The following NWD2 variants were observed in gnomAD, a reference collection of about 807,000 sequenced individuals.
NWD2 encodes NACHT and WD repeat domain containing 2.
A neutral mutation model predicts 132.7 loss-of-function variants in NWD2; 37 were observed. That is an observed-to-expected ratio of 0.28 (90% CI 0.21 to 0.37). NWD2 has a LOEUF of 0.37. NWD2 is among the 10% of genes least tolerant of loss of function. NWD2 has a pLI of 1.00. For missense variants in NWD2, 1,592 were observed against 2,122.4 expected (o/e 0.75, Z 4.91); for synonymous variants, 705 against 803.0 (o/e 0.88, Z 2.06).
chr4:37,318,051 C>T lies in NWD2; in HGVS notation c.152-7885C>T, dbSNP rs1405302297. On this transcript the variant is annotated intron_variant, in intron 1 of 6. Coordinates refer to ENST00000309447, the MANE Select transcript of NWD2 (RefSeq NM_001144990.2). ...TTTTTTTTTTTTTGAGACGAAGTCT[C>T]GCTCTTGTCTGTCACCCAACCTGTA... 1.0e-4 allele frequency among the ~76,000 whole-genome samples: 13 copies of T among 128,756 alleles called. No homozygotes were observed. The East Asian group carries it at 2.0e-3, about 20-fold the overall frequency. 84.5% of individuals were successfully genotyped at this position (128,756 alleles called of 152,430 possible). A position where few individuals can be genotyped will look rare whatever the true frequency, so the allele number is the denominator to read the frequency against.
At chr4:37,284,207 G>C (rs78120640) in intron 1 of NWD2, among the ~76,000 whole-genome samples, 17 of 152,240 alleles carry the variant, frequency 1.1e-4, no homozygotes, top group African/African-American at 3.9e-4. Flanking sequence ...TTTCTGGTTC[G>C]TAGGTGGCAC....
chr4:37,412,639 T>C (rs1401097793), intron 3 of NWD2, among the ~76,000 whole-genome samples: 1 of 119,352 alleles, frequency 8.4e-6, no homozygotes, highest in Non-Finnish European at 1.7e-5. Flanking sequence ...TACTTTAAAC[T>C]TCATGTGGAA....
chr4:37,358,476 T>A (rs1465278841), intron 3 of NWD2, among the ~76,000 whole-genome samples: 1 of 152,050 alleles, frequency 6.6e-6, no homozygotes, highest in Admixed American at 6.6e-5. Context: ...TTTCCTTGGG[T>A]CATTGGAGGA....
intron 1 of NWD2, among the ~76,000 whole-genome samples, chr4:37,267,422 G>A (rs1717777032): frequency 6.6e-6 from 1 of 151,934 alleles, no homozygotes; most frequent in Non-Finnish European, 1.5e-5. Flanking sequence ...GGCCAGCCCT[G>A]ATCATAGCAA....
Position 37,432,195 on chromosome 4 carries a change from T to G in NWD2, c.561+1420T>G, listed in dbSNP as rs139578258. ...CTTTCCTTGTGCTCCTTAATTACATTTGCCTTCAGCCATCTCAATCTGTCC... is the reference window on the plus strand; with the variant it reads ...CTTTCCTTGTGCTCCTTAATTACATGTGCCTTCAGCCATCTCAATCTGTCC... On this transcript the variant is annotated intron_variant, in intron 4 of 6. Coordinates refer to ENST00000309447, the MANE Select transcript of NWD2 (RefSeq NM_001144990.2). Among the ~76,000 whole-genome samples, 40 of 152,186 alleles carry G rather than the reference T, an allele frequency of 2.6e-4. No homozygotes were observed. In the East Asian group the frequency reaches 7.5e-3, roughly 29 times the overall value.
At chr4:37,250,801 A>C (rs546417678) in intron 1 of NWD2, among the ~76,000 whole-genome samples, 2 of 152,294 alleles carry the variant, frequency 1.3e-5, no homozygotes, top group African/African-American at 4.8e-5. Context: ...TCATTGTATG[A>C]ACATCGTAGT....
At chr4:37,408,244 C>CT (rs1366733482) in intron 3 of NWD2, among the ~76,000 whole-genome samples, 1 of 119,444 alleles carries the variant, frequency 8.4e-6, no homozygotes. Flanking sequence ...CGGCAGGTCC[C>CT]ACCCCCACGG....
chr4:37,313,605 G>A (rs1198011326), intron 1 of NWD2, among the ~76,000 whole-genome samples: 2 of 150,938 alleles, frequency 1.3e-5, no homozygotes, highest in Non-Finnish European at 2.9e-5. Flanking sequence ...ATTTTTTGAA[G>A]GATTTTTAGC....
rs994907318 is a variant in NWD2 at position 37,449,305 on chromosome 4, G to T, written c.*2088G>T. ...AATGTTTTTATGTAAACTTTGTATC[G>T]TTGGGAAGAATTACCCAATCAGAGA... On this transcript the variant is annotated 3_prime_UTR_variant, in exon 7 of 7. Coordinates refer to ENST00000309447, the MANE Select transcript of NWD2 (RefSeq NM_001144990.2). 6.6e-6 allele frequency: 1 copy of T among 152,108 alleles called. No homozygotes were observed. Among genetic ancestry groups the T allele is most frequent in the Non-Finnish European group, 1.5e-5 (1 of 68,020 alleles). The allele number at this position is 152,108 out of a possible 1,614,324, so 9.4% of individuals were successfully genotyped here.
rs563231179 is a variant in NWD2 at position 37,423,736 on chromosome 4, CAGAAATAATGTTA to C, written c.358-6833_358-6821del. On this transcript the variant is annotated intron_variant, in intron 3 of 6. Transcript: ENST00000309447. ...CCAGAAACAACATCACATACCTAACCAGAAATAATGTTAAGTCAAATATCTGGGCATCCTGTGG... is the reference window on the plus strand; with the variant it reads ...CCAGAAACAACATCACATACCTAACCAGTCAAATATCTGGGCATCCTGTGG... Among the ~76,000 whole-genome samples, 270 of 152,286 alleles carry C rather than the reference CAGAAATAATGTTA, an allele frequency of 1.8e-3. 2 individuals carry two copies. In the East Asian group the frequency reaches 0.027, roughly 15 times the overall value.
intron 3 of NWD2, among the ~76,000 whole-genome samples, chr4:37,396,206 C>T (rs926357354): frequency 5.9e-5 from 9 of 152,180 alleles, no homozygotes; most frequent in Admixed American, 5.9e-4. Context: ...TGGAACTCTC[C>T]TTCCTGACAC....
chr4:37,440,470 G>A (rs1712451980), intron 6 of NWD2, among the ~76,000 whole-genome samples: 1 of 152,160 alleles, frequency 6.6e-6, no homozygotes, highest in Non-Finnish European at 1.5e-5. Context: ...ATGGTTTCCA[G>A]ATGTCACTAG....
chr4:37,385,279 G>A (rs1302723710), intron 3 of NWD2, among the ~76,000 whole-genome samples: 2 of 152,080 alleles, frequency 1.3e-5, no homozygotes, highest in East Asian at 1.9e-4. Context: ...TCTTTCCCCT[G>A]CTTAAATTCT....
intron 2 of NWD2, among the ~76,000 whole-genome samples, chr4:37,330,040 G>T (rs1052869145): frequency 6.6e-6 from 1 of 152,142 alleles, no homozygotes; most frequent in African/African-American, 2.4e-5. Flanking sequence ...AATAGAATAT[G>T]AATAGAATAG....
chr4:37,371,072 C>CTTTTTTTTTTTTTTTTTT (rs1309185055), intron 3 of NWD2, among the ~76,000 whole-genome samples: 2 of 100,526 alleles, frequency 2.0e-5, no homozygotes, highest in African/African-American at 7.8e-5. Context: ...ATTTTTTTTT[C>CTTTTTTTTTTTTTTTTTT]TTTTTCTTTT....
chr4:37,351,008 C>G (rs554745625), intron 2 of NWD2, among the ~76,000 whole-genome samples: 171 of 151,862 alleles, frequency 1.1e-3, no homozygotes, highest in South Asian at 0.011. Context: ...GTTGAACCAG[C>G]CTTGCATCCC....
rs142858132 is a variant in NWD2, at chr4:37,261,846, G to A, written c.151+16628G>A. On this transcript the variant is annotated intron_variant, in intron 1 of 6. Coordinates refer to ENST00000309447, the MANE Select transcript of NWD2 (RefSeq NM_001144990.2). ...GTTAACGGGTGGTCATAAAAGGTCT[G>A]TCTGATGAGATATTGTTTGAACAGA... is the stretch of plus-strand genomic sequence containing the variant. 9.2e-3 allele frequency among the ~76,000 whole-genome samples: 1,401 copies of A among 152,310 alleles called. 8 individuals are homozygous for A. Among genetic ancestry groups the A allele is most frequent in the Non-Finnish European group, 0.015 (1,000 of 68,014 alleles).
intron 3 of NWD2, among the ~76,000 whole-genome samples, chr4:37,404,725 G>A (rs1720960573): frequency 6.6e-6 from 1 of 152,202 alleles, no homozygotes; most frequent in African/African-American, 2.4e-5. Flanking sequence ...CAGGAAGCAT[G>A]GCGACATCCG....
chr4:37,395,100 T>TG (rs1247840838), intron 3 of NWD2, among the ~76,000 whole-genome samples: 1 of 151,924 alleles, frequency 6.6e-6, no homozygotes, highest in African/African-American at 2.4e-5. Flanking sequence ...CCAGTGTGCC[T>TG]GGCCCCTTTA....
Sources: gnomAD v4.1 joint callset for allele counts (sites outside exome capture counted in the v4.1 genomes callset) on GRCh38, gnomAD v4.1.1 for gene constraint, MANE v1.5 for transcripts, NCBI Gene and HGNC (gene_info 2026-07-23, HGNC 2026-07-21) for gene names.